DNAJB6: variants seen among roughly 807,000 people sequenced by gnomAD.
The protein encoded by DNAJB6 is DnaJ heat shock protein family (Hsp40) member B6, also known as dnaJ homolog subfamily B member 6.
A neutral mutation model predicts 42.7 loss-of-function variants in DNAJB6; 16 were observed. The ratio of observed to expected loss-of-function variants is 0.37; its 90% CI spans 0.25 to 0.57. The LOEUF (loss-of-function observed/expected upper bound fraction) is 0.57, where lower values mean the gene tolerates loss of function less well. Among genes scored for constraint, DNAJB6 ranks in the 20% least tolerant of loss-of-function variants. The pLI, the probability that DNAJB6 is intolerant of heterozygous loss-of-function variation, is 0.74. For synonymous variants in DNAJB6, 170 were observed against 163.5 expected (o/e 1.04, Z -0.30); for missense variants, 347 against 416.8 (o/e 0.83, Z 1.46).
intron 8 of DNAJB6, among the ~76,000 whole-genome samples, chr7:157,391,148 C>T (rs974725536): frequency 1.1e-4 from 16 of 152,324 alleles, no homozygotes; most frequent in African/African-American, 3.6e-4. Flanking sequence ...GAGCATTTTA[C>T]ACCAGATGTC....
intron 5 of DNAJB6, chr7:157,381,494 G>C (rs905038595): frequency 6.6e-6 from 1 of 152,056 alleles, no homozygotes; most frequent in East Asian, 1.9e-4. Context: ...AAAACAAAAC[G>C]GTCAGTTCCG....
chr7:157,403,567 C>A (rs1046631667), intron 8 of DNAJB6, among the ~76,000 whole-genome samples: 7 of 152,136 alleles, frequency 4.6e-5, no homozygotes, highest in African/African-American at 1.7e-4. Flanking sequence ...CCTGAGCTCA[C>A]GTAAAGCGAT....
At chr7:157,393,897 T>A (rs1366831093) in intron 8 of DNAJB6, among the ~76,000 whole-genome samples, 2 of 152,196 alleles carry the variant, frequency 1.3e-5, no homozygotes, top group African/African-American at 4.8e-5. Context: ...GGGTTTTCTT[T>A]CATATCAGTT....
intron 1 of DNAJB6, among the ~76,000 whole-genome samples, chr7:157,341,005 C>CGCGCTCGCGCGT (rs1261590170): frequency 6.9e-6 from 1 of 144,998 alleles, no homozygotes; most frequent in Non-Finnish European, 1.6e-5. Flanking sequence ...TGTGCGCGCG[C>CGCGCTCGCGCGT]GCAGGTGGAA....
chr7:157,382,026 G>T, intron 5 of DNAJB6: 4 of 384,260 alleles, frequency 1.0e-5, no homozygotes, highest in Non-Finnish European at 1.4e-5. Flanking sequence ...TAATTTATTT[G>T]ATACAATGTA....
intron 8 of DNAJB6, among the ~76,000 whole-genome samples, chr7:157,393,042 C>T (rs1005461224): frequency 4.6e-5 from 7 of 152,128 alleles, no homozygotes; most frequent in Admixed American, 1.3e-4. Context: ...GGTGTGATCA[C>T]GGCTGACTGC....
intron 5 of DNAJB6, 107 bp downstream of exon 5, chr7:157,367,590 G>A (rs1799906164): frequency 3.9e-6 from 3 of 761,346 alleles, no homozygotes; most frequent in Non-Finnish European, 7.0e-6. Context: ...GCTGGGCGCG[G>A]TGGCTCATGC....
At chr7:157,352,418 C>G (rs1283082703) in intron 1 of DNAJB6, among the ~76,000 whole-genome samples, 5 of 151,746 alleles carry the variant, frequency 3.3e-5, no homozygotes, top group African/African-American at 9.7e-5. Flanking sequence ...TTTATTTAAT[C>G]ATGCAGTGTG....
chr7:157,379,954 G>C (rs545734083), intron 5 of DNAJB6: 4 of 152,024 alleles, frequency 2.6e-5, no homozygotes, highest in African/African-American at 9.7e-5. Context: ...TGAGACTACA[G>C]ATGCCCACCA....
chr7:157,402,791 C>G lies in DNAJB6; in HGVS notation c.692-7004C>G, dbSNP rs145373310. ...GCCACTCTTTGGCCCCTGCACTTTT[C>G]CAGGGCAGGGTAAACCGGAACGTTG... On this transcript the variant is annotated intron_variant, in intron 8 of 9. Transcript: ENST00000262177. Among the ~76,000 whole-genome samples, 594 of 152,330 alleles carry G rather than the reference C, an allele frequency of 3.9e-3. 8 individuals carry two copies. The highest frequency in any genetic ancestry group is 0.013 in the African/African-American group (557 of 41,582).
chr7:157,392,886 C>G (rs1023370884), intron 8 of DNAJB6, among the ~76,000 whole-genome samples: 4 of 152,174 alleles, frequency 2.6e-5, no homozygotes, highest in African/African-American at 7.2e-5. Flanking sequence ...TGTGTGTTTT[C>G]TGTTCTAACT....
chr7:157,401,729 C>T (rs960019297), intron 8 of DNAJB6, among the ~76,000 whole-genome samples: 3 of 152,156 alleles, frequency 2.0e-5, no homozygotes, highest in Non-Finnish European at 4.4e-5. Context: ...TGAAGCATTA[C>T]GCAATAAAGA....
chr7:157,388,263 C>T (rs117088278), intron 8 of DNAJB6, among the ~76,000 whole-genome samples: 3,237 of 152,246 alleles, frequency 0.021, 43 homozygotes, highest in East Asian at 0.054. Context: ...TTTTAAACCC[C>T]GTTAAGTTTA....
chr7:157,363,307 G>C, intron 3 of DNAJB6, 37 bp downstream of exon 3: 1 of 1,448,698 alleles, frequency 6.9e-7, no homozygotes, highest in Admixed American at 1.8e-5. Context: ...CCCTGAGCGG[G>C]CATGCCGGAA....
chr7:157,338,842 G>T (rs554160919), intron 1 of DNAJB6, among the ~76,000 whole-genome samples: 2 of 152,310 alleles, frequency 1.3e-5, no homozygotes, highest in Admixed American at 1.3e-4. Flanking sequence ...GGAAGTGGGA[G>T]AACAAAGGGG....
chr7:157,381,603 G>A (rs953563609), intron 5 of DNAJB6: 4 of 151,948 alleles, frequency 2.6e-5, no homozygotes, highest in South Asian at 2.1e-4. Flanking sequence ...ATCATCTTAC[G>A]TCTGCTTGTT....
intron 8 of DNAJB6, among the ~76,000 whole-genome samples, chr7:157,399,059 G>GAATGCCCTTT (rs1305946247): frequency 2.0e-5 from 3 of 152,362 alleles, no homozygotes; most frequent in African/African-American, 7.2e-5. Context: ...GAACGGCAGT[G>GAATGCCCTTT]AATGCCCTTT....
intron 5 of DNAJB6, chr7:157,369,099 A>T: frequency 2.7e-6 from 1 of 365,066 alleles, no homozygotes; most frequent in Non-Finnish European, 5.4e-6. Flanking sequence ...ATTTTCAGGG[A>T]AACTGAAGCT....
intron 1 of DNAJB6, among the ~76,000 whole-genome samples, chr7:157,345,632 C>CA (rs1424056260): frequency 1.3e-5 from 2 of 152,154 alleles, no homozygotes; most frequent in African/African-American, 4.8e-5. Flanking sequence ...GATGTAATCC[C>CA]ACTTGTCTGT....
Sources: gnomAD v4.1 joint callset for allele counts (sites outside exome capture counted in the v4.1 genomes callset) on GRCh38, gnomAD v4.1.1 for gene constraint, MANE v1.5 for transcripts, NCBI Gene and HGNC (gene_info 2026-07-23, HGNC 2026-07-21) for gene names.